The following LCLAT1 variants were observed in gnomAD, a reference collection of about 807,000 sequenced individuals.
The protein encoded by LCLAT1 is lysocardiolipin acyltransferase 1.
In LCLAT1, 11 loss-of-function variants were observed where a neutral mutation model predicts 30.7. The observed-to-expected ratio is 0.36, with a 90% confidence interval of 0.23 to 0.59. LCLAT1 has a LOEUF of 0.59. Among genes scored for constraint, LCLAT1 ranks in the 20% least tolerant of loss-of-function variants. LCLAT1 has a pLI of 0.77. For missense variants in LCLAT1, 402 were observed against 458.6 expected (o/e 0.88, Z 1.13); for synonymous variants, 155 against 151.3 (o/e 1.02, Z -0.18).
chr2:30,623,711 TC>T (rs1668379165), intron 5 of LCLAT1, among the ~76,000 whole-genome samples: 1 of 152,128 alleles, frequency 6.6e-6, no homozygotes, highest in Non-Finnish European at 1.5e-5. Flanking sequence ...AAGGAAAACT[TC>T]CCTGGCCTTG....
intron 1 of LCLAT1, among the ~76,000 whole-genome samples, chr2:30,515,365 A>C (rs933589599): frequency 6.6e-6 from 1 of 152,206 alleles, no homozygotes; most frequent in Admixed American, 6.5e-5. Flanking sequence ...AGTTGCTAAC[A>C]CTTGACTTGT....
intron 5 of LCLAT1, among the ~76,000 whole-genome samples, chr2:30,608,523 G>GT (rs1381545929): frequency 1.3e-5 from 2 of 151,898 alleles, no homozygotes; most frequent in African/African-American, 4.8e-5. Flanking sequence ...TCCATTCATG[G>GT]TAAGTGCCCT....
At chr2:30,504,292 A>ACAGTCTGTATGC (rs6146702) in intron 1 of LCLAT1, among the ~76,000 whole-genome samples, 2 of 151,608 alleles carry the variant, frequency 1.3e-5, no homozygotes, top group Non-Finnish European at 2.9e-5. Context: ...CTGCTTTCTG[A>ACAGTCTGTATGC]CTTCATCACT....
At chr2:30,517,881 G>A (rs1212354527) in intron 1 of LCLAT1, among the ~76,000 whole-genome samples, 1 of 152,144 alleles carries the variant, frequency 6.6e-6, no homozygotes, top group Non-Finnish European at 1.5e-5. Flanking sequence ...CCGTGACCCT[G>A]TAACACTCCA....
chr2:30,490,809 G>A (rs112158595), intron 1 of LCLAT1, among the ~76,000 whole-genome samples: 80 of 152,240 alleles, frequency 5.3e-4, no homozygotes, highest in African/African-American at 1.1e-3. Flanking sequence ...ATATTAAGCA[G>A]CACTGTCCAA....
chr2:30,561,007 C>A (rs1488860844), intron 3 of LCLAT1, among the ~76,000 whole-genome samples: 1 of 138,992 alleles, frequency 7.2e-6, no homozygotes, highest in Non-Finnish European at 1.6e-5. Context: ...AATGGTGCAA[C>A]CTCAGCTTAC....
At chr2:30,454,538 A>T (rs1681726864) in intron 1 of LCLAT1, among the ~76,000 whole-genome samples, 2 of 152,104 alleles carry the variant, frequency 1.3e-5, no homozygotes, top group Admixed American at 1.3e-4. Context: ...GTAACCTTGA[A>T]TGCATGGACT....
At chr2:30,631,816 G>A (rs1330473926) in intron 5 of LCLAT1, among the ~76,000 whole-genome samples, 1 of 152,046 alleles carries the variant, frequency 6.6e-6, no homozygotes. Flanking sequence ...GGCACTTGGG[G>A]CTATTCATTT....
intron 1 of LCLAT1, among the ~76,000 whole-genome samples, chr2:30,515,116 A>G (rs545990834): frequency 1.4e-4 from 22 of 152,198 alleles, no homozygotes; most frequent in Admixed American, 3.3e-4. Flanking sequence ...ATGCTGTTTC[A>G]AATTTCTGTG....
chr2:30,593,952 C>A, intron 5 of LCLAT1, among the ~76,000 whole-genome samples: 1 of 148,772 alleles, frequency 6.7e-6, no homozygotes, highest in African/African-American at 2.5e-5. Flanking sequence ...ATGTAAAATT[C>A]TAATTCTAAA....
intron 5 of LCLAT1, among the ~76,000 whole-genome samples, chr2:30,575,360 A>G (rs1209986714): frequency 2.0e-5 from 3 of 152,138 alleles, no homozygotes; most frequent in Admixed American, 6.6e-5. Context: ...CATGCCAGGA[A>G]TATTATAGGT....
At chr2:30,609,070 G>C (rs1469293597) in intron 5 of LCLAT1, among the ~76,000 whole-genome samples, 1 of 151,116 alleles carries the variant, frequency 6.6e-6, no homozygotes, top group African/African-American at 2.5e-5. Context: ...GATATTTTCT[G>C]GGTTTCCTCA....
At chr2:30,540,771 T>C (rs985741985) in intron 3 of LCLAT1, among the ~76,000 whole-genome samples, 1 of 151,968 alleles carries the variant, frequency 6.6e-6, no homozygotes, top group Admixed American at 6.6e-5. Flanking sequence ...TTCAAGCGAT[T>C]CTCCTGCCTC....
chr2:30,618,112 T>G (rs1407999764), intron 5 of LCLAT1, among the ~76,000 whole-genome samples: 2 of 152,186 alleles, frequency 1.3e-5, no homozygotes, highest in African/African-American at 2.4e-5. Flanking sequence ...TCTGTTCTGT[T>G]TCATTGATCT....
chr2:30,523,281 T>C (rs1160549634), intron 1 of LCLAT1, among the ~76,000 whole-genome samples: 11 of 141,294 alleles, frequency 7.8e-5, no homozygotes, highest in African/African-American at 2.4e-4. Flanking sequence ...TTTTTTTTTT[T>C]CTGGGGAGAA....
At chr2:30,509,535 G>A (rs911303012) in intron 1 of LCLAT1, among the ~76,000 whole-genome samples, 17 of 151,926 alleles carry the variant, frequency 1.1e-4, no homozygotes, top group African/African-American at 3.4e-4. Flanking sequence ...TTCACCATGT[G>A]TTGTCTCCAT....
At chr2:30,507,180 A>G (rs1684706704) in intron 1 of LCLAT1, among the ~76,000 whole-genome samples, 1 of 152,016 alleles carries the variant, frequency 6.6e-6, no homozygotes, top group Admixed American at 6.6e-5. Flanking sequence ...TGTTGCTTAT[A>G]GTTGTCTTGG....
intron 5 of LCLAT1, among the ~76,000 whole-genome samples, chr2:30,596,487 G>T (rs1161732351): frequency 4.6e-5 from 7 of 151,418 alleles, no homozygotes; most frequent in South Asian, 2.1e-4. Context: ...TTTTAATGGG[G>T]TTGTTTTTTT....
Position 30,592,136 on chromosome 2 carries a change from T to C in LCLAT1, c.628+23960T>C, listed in dbSNP as rs568726765. Among the ~76,000 whole-genome samples the C allele has an allele frequency of 6.6e-5, 10 of 152,270 alleles. No individual in the cohort carries two copies. The East Asian group carries it at 1.9e-3, about 29-fold the overall frequency. On this transcript the variant is annotated intron_variant, in intron 5 of 5. Coordinates refer to ENST00000379509, the MANE Select transcript of LCLAT1 (RefSeq NM_001002257.3). ...CAACCTTTTTGCCCTCTTCAATCTGTTTCCCATATTCCAACATGCACCTTT... is the reference window on the plus strand; with the variant it reads ...CAACCTTTTTGCCCTCTTCAATCTGCTTCCCATATTCCAACATGCACCTTT...
Sources: allele counts gnomAD v4.1 joint callset (sites outside exome capture counted in the v4.1 genomes callset), GRCh38; gene constraint gnomAD v4.1.1; transcripts MANE v1.5; gene names NCBI Gene and HGNC (gene_info 2026-07-23, HGNC 2026-07-21).